ST3GAL1: variants seen among roughly 807,000 people sequenced by gnomAD.
The protein encoded by ST3GAL1 is CMP-N-acetylneuraminate-beta-galactosamide-alpha-2,3-sialyltransferase 1.
A neutral mutation model predicts 34.1 loss-of-function variants in ST3GAL1; 16 were observed. That is an observed-to-expected ratio of 0.47 (90% CI 0.32 to 0.71). ST3GAL1 has a LOEUF of 0.71. Ranked by LOEUF, ST3GAL1 falls within the 30% of genes least tolerant of loss-of-function variation. ST3GAL1 has a pLI of 0.04. For missense variants in ST3GAL1, 353 were observed against 447.4 expected, an observed-to-expected ratio of 0.79 and a Z score of 1.90; for synonymous variants, 191 against 184.7, an observed-to-expected ratio of 1.03 and a Z score of -0.28.
At chr8:133,462,444 C>T (rs541504947) in intron 8 of ST3GAL1, among the ~76,000 whole-genome samples, 42 of 152,272 alleles carry the variant, frequency 2.8e-4, no homozygotes, top group African/African-American at 9.9e-4. Flanking sequence ...TCCCAGGTTT[C>T]CCTCTCCTCA....
At chr8:133,543,434 T>C (rs1485500505) in intron 2 of ST3GAL1, among the ~76,000 whole-genome samples, 1 of 152,176 alleles carries the variant, frequency 6.6e-6, no homozygotes, top group African/African-American at 2.4e-5. Flanking sequence ...GAAAGTTGTG[T>C]TCTAAGATGC....
At position 133,459,924 on chromosome 8, in the gene ST3GAL1, C is replaced by A. The variant is rs1376746761; in HGVS notation, c.863G>T (p.Gly288Val). 1 of 1,611,908 alleles carries A rather than the reference C, an allele frequency of 6.2e-7. No individual in the cohort carries two copies. The highest frequency in any genetic ancestry group is 8.5e-7 in the Non-Finnish European group (1 of 1,178,830). ...GTTCCCTTTGCTGTCTGCCCCGAAG[C>A]CGTACAAGTCCACCTGTGGGAGCAA... ...MHVCDEVDLY[G>V]FGADSKGNWH... Residue 288 changes from glycine to valine, a missense_variant, in exon 10 of 10, where the codon GGC becomes GTC. Physicochemically the swap from Gly to Val is moderately radical, Grantham distance 109 (BLOSUM62 -3). Coordinates refer to ENST00000522652, the MANE Select transcript of ST3GAL1 (RefSeq NM_173344.3). The surrounding 1 kb of genome is among the most constrained non-coding windows in gnomAD (Gnocchi z 4.7).
chr8:133,536,598 C>G (rs1818318200), intron 2 of ST3GAL1, among the ~76,000 whole-genome samples: 1 of 152,200 alleles, frequency 6.6e-6, no homozygotes, highest in Non-Finnish European at 1.5e-5. Context: ...GTCTTCCAAG[C>G]CGGCAAGGTG....
At chr8:133,568,610 C>T (rs1463657469) in intron 1 of ST3GAL1, among the ~76,000 whole-genome samples, 1 of 151,942 alleles carries the variant, frequency 6.6e-6, no homozygotes, top group Non-Finnish European at 1.5e-5. Flanking sequence ...GTGGGAGGGG[C>T]CTAGAGTGAG....
In ST3GAL1 at chr8:133,464,948, C is replaced by T. The variant is rs775412580; in HGVS notation, c.513G>A (p.Lys171=). 1 of 1,612,848 alleles carries T rather than the reference C, an allele frequency of 6.2e-7. No individual in the cohort carries two copies. Among genetic ancestry groups the T allele is most frequent in the Non-Finnish European group, 8.5e-7 (1 of 1,179,240 alleles). ...CAGCTTCAAACCCTGCCGTGGGCGC[C>T]TTGTTCATCCTGGGAGAGAAGGGGA... ...DSHDFVLRMN[K]APTAGFEADV... Residue 171 remains lysine, a synonymous_variant, in exon 7 of 10, where the codon AAG becomes AAA. Transcript: ENST00000522652.
chr8:133,492,814 T>A (rs1484217588), intron 3 of ST3GAL1, among the ~76,000 whole-genome samples: 1 of 152,180 alleles, frequency 6.6e-6, no homozygotes, highest in Non-Finnish European at 1.5e-5. Context: ...AGCTGGTCTC[T>A]CTGGATGGCG....
chr8:133,486,715 C>T (rs1366058482), intron 3 of ST3GAL1, among the ~76,000 whole-genome samples: 2 of 152,208 alleles, frequency 1.3e-5, no homozygotes, highest in African/African-American at 2.4e-5. Flanking sequence ...GCCAGCCAGC[C>T]AGCAACTGTG....
chr8:133,563,698 G>A (rs368452579), intron 1 of ST3GAL1, among the ~76,000 whole-genome samples: 4 of 152,204 alleles, frequency 2.6e-5, no homozygotes, highest in Non-Finnish European at 5.9e-5. Flanking sequence ...TGCACATTTT[G>A]ATTTTACCTG....
At chr8:133,486,831 C>A (rs546939019) in intron 3 of ST3GAL1, among the ~76,000 whole-genome samples, 1 of 152,226 alleles carries the variant, frequency 6.6e-6, no homozygotes, top group Non-Finnish European at 1.5e-5. Context: ...CTTCAGAAGC[C>A]GAGGCCAGTC....
intron 1 of ST3GAL1, among the ~76,000 whole-genome samples, chr8:133,558,627 A>G (rs1178133377): frequency 6.6e-6 from 1 of 152,206 alleles, no homozygotes; most frequent in Non-Finnish European, 1.5e-5. Context: ...AATGGTGACT[A>G]AAGTTTATGA....
Position 133,506,746 on chromosome 8 carries a change from T to C in ST3GAL1, c.-428-7557A>G, listed in dbSNP as rs1329270098. ...GTTGCAGTAAGCCGAGATCGTGCCA[T>C]TGCACTCCAGCTTGGGGGACAAGAG... On this transcript the variant is annotated intron_variant, in intron 2 of 9. Coordinates refer to ENST00000522652, the MANE Select transcript of ST3GAL1 (RefSeq NM_173344.3). 3.3e-5 allele frequency among the ~76,000 whole-genome samples: 5 copies of C among 151,586 alleles called. No homozygotes were observed. In the East Asian group the frequency reaches 9.7e-4, roughly 29 times the overall value.
chr8:133,530,001 A>G (rs1054243505), intron 2 of ST3GAL1, among the ~76,000 whole-genome samples: 1 of 151,924 alleles, frequency 6.6e-6, no homozygotes, highest in Non-Finnish European at 1.5e-5. Flanking sequence ...GTTATTTATT[A>G]GAAGTCTCCT....
intron 1 of ST3GAL1, among the ~76,000 whole-genome samples, chr8:133,554,670 T>C (rs942022288): frequency 2.0e-5 from 3 of 152,108 alleles, no homozygotes; most frequent in African/African-American, 7.2e-5. Context: ...AACACCTGCT[T>C]TCCTCCTAAG....
intron 3 of ST3GAL1, among the ~76,000 whole-genome samples, chr8:133,492,698 G>C (rs922812469): frequency 2.0e-5 from 3 of 152,154 alleles, no homozygotes; most frequent in Non-Finnish European, 4.4e-5. Flanking sequence ...CTCCAGCCTG[G>C]GTGACAGAGC....
chr8:133,484,884 C>A (rs1208430449), intron 3 of ST3GAL1, among the ~76,000 whole-genome samples: 1 of 152,170 alleles, frequency 6.6e-6, no homozygotes, highest in African/African-American at 2.4e-5. Context: ...ATGTCCTTAA[C>A]CCTCCCTGCT....
chr8:133,494,772 T>C (rs1481435718), intron 3 of ST3GAL1, among the ~76,000 whole-genome samples: 1 of 152,162 alleles, frequency 6.6e-6, no homozygotes, highest in East Asian at 1.9e-4. Context: ...ACACAGCCTA[T>C]CTGCTCTGCC....
At chr8:133,465,843 A>G (rs774933583) in intron 6 of ST3GAL1, 51 bp downstream of exon 6, 30 of 1,570,150 alleles carry the variant, frequency 1.9e-5, no homozygotes, top group Non-Finnish European at 2.5e-5. Flanking sequence ...TACAGCTCCA[A>G]GGGGCCCCTG....
In ST3GAL1 at chr8:133,506,585, G is replaced by A. The variant is rs189234858; in HGVS notation, c.-428-7396C>T. The stretch of plus-strand genomic sequence containing the variant: ...AGATCACCAGAGGTCAGGAGTTCGA[G>A]ACCAGCCTGGCCAACATGGTGAAAC... On this transcript the variant is annotated intron_variant, in intron 2 of 9. Transcript: ENST00000522652. 7.2e-5 allele frequency among the ~76,000 whole-genome samples: 11 copies of A among 151,992 alleles called. No homozygotes were observed. The East Asian group carries it at 2.1e-3, about 30-fold the overall frequency.
rs1219666433 is a variant in ST3GAL1, at chr8:133,458,340, G to A, written c.*1424C>T. Reference sequence around the variant, plus strand: ...TCAATAAATAATCAGGAAGGCTAATGAGGAAAAGAGAGTAGCTGGGGAGTA... The same window carrying A: ...TCAATAAATAATCAGGAAGGCTAATAAGGAAAAGAGAGTAGCTGGGGAGTA... On this transcript the variant is annotated 3_prime_UTR_variant, in exon 10 of 10. Transcript: ENST00000522652. 6.6e-6 allele frequency: 1 copy of A among 152,188 alleles called. No homozygotes were observed. Among genetic ancestry groups the A allele is most frequent in the East Asian group, 1.9e-4 (1 of 5,198 alleles). The allele number at this position is 152,188 out of a possible 1,614,324, so 9.4% of individuals were successfully genotyped here.
Sources: gnomAD v4.1 joint callset for allele counts (sites outside exome capture counted in the v4.1 genomes callset) on GRCh38, gnomAD v4.1.1 for gene constraint, Gnocchi (gnomAD v3.1) non-coding constraint, MANE v1.5 for transcripts, NCBI Gene and HGNC (gene_info 2026-07-23, HGNC 2026-07-21) for gene names.